Variants in LY96 observed in about 807,000 individuals in gnomAD.
The protein encoded by LY96 is lymphocyte antigen 96.
In LY96, 18 loss-of-function variants were observed where a neutral mutation model predicts 18.9. The ratio of observed to expected loss-of-function variants is 0.95; its 90% CI spans 0.66 to 1.41. The LOEUF (loss-of-function observed/expected upper bound fraction) is 1.41. Ranked by LOEUF, LY96 falls within the 40% of genes most tolerant of loss-of-function variation. LY96 has a pLI of 0.00. For synonymous variants in LY96, 66 were observed against 62.6 expected, an observed-to-expected ratio of 1.06 and a Z score of -0.26; for missense variants, 175 against 182.4, an observed-to-expected ratio of 0.96 and a Z score of 0.23.
At chr8:74,084,802 A>T in the LY96 span, among the ~76,000 whole-genome samples, 1 of 152,112 alleles carries the variant, frequency 6.6e-6, no homozygotes, top group Admixed American at 6.5e-5. Flanking sequence ...TTTAGTAGAG[A>T]TGGGGTTTCA....
intron 3 of LY96, among the ~76,000 whole-genome samples, chr8:74,021,211 A>T (rs1353406458): frequency 6.6e-6 from 1 of 152,236 alleles, no homozygotes; most frequent in Non-Finnish European, 1.5e-5. Flanking sequence ...AAAGAACTTA[A>T]ACAAATTTAC....
the LY96 span, among the ~76,000 whole-genome samples, chr8:74,050,978 G>A: frequency 0.018 from 2,694 of 152,222 alleles, 94 homozygotes; most frequent in Admixed American, 0.078. Flanking sequence ...AGCTGAGATC[G>A]TGCCACCGCA....
At chr8:74,030,088 A>C (rs191770845), downstream of LY96, among the ~76,000 whole-genome samples, 1 of 152,348 alleles carries the variant, frequency 6.6e-6, no homozygotes, top group Non-Finnish European at 1.5e-5. Context: ...ATTTGGGCCA[A>C]GCTTGAGGAC....
the LY96 span, among the ~76,000 whole-genome samples, chr8:74,068,641 A>G: frequency 6.6e-6 from 1 of 152,288 alleles, no homozygotes; most frequent in South Asian, 2.1e-4. Context: ...TTTGGTCATT[A>G]GTAGGTATGC....
the LY96 span, among the ~76,000 whole-genome samples, chr8:74,053,213 A>G: frequency 6.6e-6 from 1 of 152,200 alleles, no homozygotes; most frequent in Non-Finnish European, 1.5e-5. Context: ...TGACTTCGCC[A>G]TGTGGATTTA....
intron 1 of LY96, among the ~76,000 whole-genome samples, chr8:73,998,039 G>T (rs2929506): frequency 8.5e-5 from 13 of 152,128 alleles, no homozygotes; most frequent in African/African-American, 2.9e-4. Context: ...CTTCCTGCAG[G>T]ATGGGAGGTG....
At chr8:74,086,730 G>A in the LY96 span, among the ~76,000 whole-genome samples, 7,368 of 152,202 alleles carry the variant, frequency 0.048, 292 homozygotes, top group African/African-American at 0.12. Flanking sequence ...CTTTTAAGAC[G>A]TGGGGCCCTT....
chr8:74,007,245 G>A (rs73335828), intron 2 of LY96, among the ~76,000 whole-genome samples: 10,138 of 152,274 alleles, frequency 0.067, 418 homozygotes, highest in African/African-American at 0.11. Context: ...TGAGATAGAT[G>A]TGAAGGTATG....
At chr8:74,068,719 C>G in the LY96 span, among the ~76,000 whole-genome samples, 1 of 152,172 alleles carries the variant, frequency 6.6e-6, no homozygotes, top group Non-Finnish European at 1.5e-5. Flanking sequence ...ATTGGTCATT[C>G]ATATGCAATA....
intron 3 of LY96, among the ~76,000 whole-genome samples, chr8:74,015,205 T>TA (rs1163781046): frequency 6.6e-6 from 1 of 151,732 alleles, no homozygotes; most frequent in East Asian, 1.9e-4. Flanking sequence ...AGATCCTGTT[T>TA]AAAAAAAAAT....
chr8:74,042,042 T>C, the LY96 span, among the ~76,000 whole-genome samples: 2 of 152,238 alleles, frequency 1.3e-5, no homozygotes, highest in Non-Finnish European at 2.9e-5. Context: ...GTAAAATTCC[T>C]CTCTTTATTC....
chr8:74,080,762 C>T, the LY96 span, among the ~76,000 whole-genome samples: 1 of 152,180 alleles, frequency 6.6e-6, no homozygotes, highest in South Asian at 2.1e-4. Flanking sequence ...AGAGGCCCCA[C>T]CTTGCTGATG....
chr8:74,066,895 C>G, the LY96 span, among the ~76,000 whole-genome samples: 1 of 152,178 alleles, frequency 6.6e-6, no homozygotes, highest in Admixed American at 6.5e-5. Context: ...GAGGTTCAGG[C>G]AGGGGTAAGC....
the LY96 span, among the ~76,000 whole-genome samples, chr8:74,076,327 CTT>C: frequency 7.0e-5 from 10 of 143,866 alleles, no homozygotes; most frequent in African/African-American, 2.3e-4. Flanking sequence ...AACCAAGACA[CTT>C]TTTTTTTTTT....
downstream of LY96, chr8:74,029,233 C>G (rs1816929028): frequency 1.8e-6 from 1 of 560,810 alleles, no homozygotes; most frequent in Non-Finnish European, 3.2e-6. Flanking sequence ...GCAGAGCCAC[C>G]TGGGGAAGCA....
At chr8:74,021,170 G>A (rs989321363) in intron 3 of LY96, among the ~76,000 whole-genome samples, 13 of 152,060 alleles carry the variant, frequency 8.5e-5, no homozygotes, top group African/African-American at 1.4e-4. Context: ...CAATCTACCC[G>A]TCTGACAAAG....
the LY96 span, among the ~76,000 whole-genome samples, chr8:74,039,830 A>G: frequency 0.27 from 41,836 of 152,178 alleles, 7,115 homozygotes; most frequent in African/African-American, 0.48. Context: ...GACAAGGAGC[A>G]TGACTATTGA....
chr8:73,997,548 C>G (rs1334664293), intron 1 of LY96, among the ~76,000 whole-genome samples: 2 of 152,130 alleles, frequency 1.3e-5, no homozygotes, highest in African/African-American at 4.8e-5. Flanking sequence ...CAACTTTATA[C>G]CAAGACCTCC....
chr8:74,023,648 G>A (rs1816813021), intron 3 of LY96, among the ~76,000 whole-genome samples: 1 of 152,076 alleles, frequency 6.6e-6, no homozygotes, highest in South Asian at 2.1e-4. Flanking sequence ...GCTGTTCCAT[G>A]TCTTGGGGAC....
Sources: gnomAD v4.1 joint callset for allele counts (sites outside exome capture counted in the v4.1 genomes callset) on GRCh38, gnomAD v4.1.1 for gene constraint, MANE v1.5 for transcripts, NCBI Gene and HGNC (gene_info 2026-07-23, HGNC 2026-07-21) for gene names.